ABCD3: variants seen among roughly 807,000 people sequenced by gnomAD.
The protein encoded by ABCD3 is ATP binding cassette subfamily D member 3, also known as ATP-binding cassette sub-family D member 3.
ABCD3 carries 41 observed loss-of-function variants against 105.5 expected under a neutral mutation model. The ratio of observed to expected loss-of-function variants is 0.39; its 90% CI spans 0.30 to 0.50. The LOEUF is 0.50. Ranked by LOEUF, ABCD3 falls within the 20% of genes least tolerant of loss-of-function variation. The pLI is 0.84. For missense variants in ABCD3, 622 were observed against 806.3 expected (o/e 0.77, Z 2.77); for synonymous variants, 258 against 269.0 (o/e 0.96, Z 0.40).
chr1:94,454,310 G>T (rs1031299907), intron 1 of ABCD3, among the ~76,000 whole-genome samples: 1 of 152,128 alleles, frequency 6.6e-6, no homozygotes, highest in Admixed American at 6.5e-5. Flanking sequence ...AGAATAATTC[G>T]CAGCTTTGTG....
chr1:94,455,572 A>G (rs61772854), intron 1 of ABCD3, among the ~76,000 whole-genome samples: 54,430 of 151,992 alleles, frequency 0.36, 11,402 homozygotes, highest in Middle Eastern at 0.55. Context: ...TGATCCTCCC[A>G]CCTTAACCTC....
chr1:94,462,766 A>G (rs981607317), intron 2 of ABCD3, among the ~76,000 whole-genome samples: 1 of 152,132 alleles, frequency 6.6e-6, no homozygotes, highest in Non-Finnish European at 1.5e-5. Flanking sequence ...GGATTGTGCC[A>G]CTTAAAGTTC....
intron 10 of ABCD3, among the ~76,000 whole-genome samples, chr1:94,485,549 CG>C (rs1367174940): frequency 6.6e-6 from 1 of 152,182 alleles, no homozygotes; most frequent in Non-Finnish European, 1.5e-5. Flanking sequence ...GCTCTCCACA[CG>C]GCTTGCTTAT....
chr1:94,453,263 A>G (rs1647349454), intron 1 of ABCD3, among the ~76,000 whole-genome samples: 1 of 151,510 alleles, frequency 6.6e-6, no homozygotes, highest in South Asian at 2.1e-4. Flanking sequence ...ACAACTTTAT[A>G]ATTTCAGTTT....
At chr1:94,503,185 TG>T (rs1448590974) in intron 20 of ABCD3, among the ~76,000 whole-genome samples, 1 of 152,098 alleles carries the variant, frequency 6.6e-6, no homozygotes, top group Non-Finnish European at 1.5e-5. Context: ...ACAACTTTCT[TG>T]TATTGTGGCA....
chr1:94,428,486 A>G (rs1368498735), intron 1 of ABCD3, among the ~76,000 whole-genome samples: 2 of 152,244 alleles, frequency 1.3e-5, no homozygotes, highest in Non-Finnish European at 2.9e-5. Flanking sequence ...AAAAATATTT[A>G]TACAGCTTCT....
intron 1 of ABCD3, among the ~76,000 whole-genome samples, chr1:94,422,332 G>A (rs1056973336): frequency 1.2e-4 from 19 of 152,158 alleles, no homozygotes; most frequent in African/African-American, 4.6e-4. Context: ...TGAACCTGTT[G>A]TAAACTGCAC....
At chr1:94,478,815 C>T in intron 8 of ABCD3, 1 of 439,276 alleles carries the variant, frequency 2.3e-6, no homozygotes, top group Non-Finnish European at 3.5e-6. Flanking sequence ...AATAACGATA[C>T]ATTTAGAGTG....
intron 1 of ABCD3, among the ~76,000 whole-genome samples, chr1:94,456,043 G>A (rs750929460): frequency 3.7e-4 from 56 of 151,740 alleles, no homozygotes; most frequent in Non-Finnish European, 7.4e-4. Flanking sequence ...TTCATCTTGC[G>A]TGACTGAACT....
intron 16 of ABCD3, among the ~76,000 whole-genome samples, chr1:94,494,665 T>A (rs1649709617): frequency 6.6e-6 from 1 of 152,200 alleles, no homozygotes; most frequent in Non-Finnish European, 1.5e-5. Flanking sequence ...GTTACATTTG[T>A]AACCAAATAA....
chr1:94,401,876 T>C, the ABCD3 span, among the ~76,000 whole-genome samples: 1 of 152,212 alleles, frequency 6.6e-6, no homozygotes, highest in Non-Finnish European at 1.5e-5. Context: ...AGTTTTGACA[T>C]TTGTAAATAC....
chr1:94,441,229 A>T (rs1276712396), intron 1 of ABCD3, among the ~76,000 whole-genome samples: 1 of 152,258 alleles, frequency 6.6e-6, no homozygotes, highest in Admixed American at 6.5e-5. Context: ...TATAGGGCTA[A>T]TAAGTATATA....
chr1:94,446,763 A>G (rs1363693711), intron 1 of ABCD3, among the ~76,000 whole-genome samples: 2 of 152,196 alleles, frequency 1.3e-5, no homozygotes, highest in African/African-American at 4.8e-5. Flanking sequence ...CAACCTGTTC[A>G]ATTTAACATA....
intron 1 of ABCD3, among the ~76,000 whole-genome samples, chr1:94,425,823 T>A (rs1007927361): frequency 1.1e-4 from 16 of 152,226 alleles, no homozygotes; most frequent in African/African-American, 3.9e-4. Context: ...CTACTTGATC[T>A]TTATTATGGA....
chr1:94,449,573 T>G (rs1005106367), intron 1 of ABCD3, among the ~76,000 whole-genome samples: 1 of 152,214 alleles, frequency 6.6e-6, no homozygotes, highest in Non-Finnish European at 1.5e-5. Flanking sequence ...TCTGCTCCTA[T>G]AATTGAGGCA....
At chr1:94,488,560 A>C (rs927801255) in intron 13 of ABCD3, among the ~76,000 whole-genome samples, 1 of 152,090 alleles carries the variant, frequency 6.6e-6, no homozygotes, top group Non-Finnish European at 1.5e-5. Flanking sequence ...AAAAAACACC[A>C]TAAATTTTAG....
intron 4 of ABCD3, among the ~76,000 whole-genome samples, chr1:94,471,719 A>G (rs999759888): frequency 1.3e-5 from 2 of 152,162 alleles, no homozygotes; most frequent in Non-Finnish European, 2.9e-5. Context: ...GTTAACATAT[A>G]TCTCCATCTC....
chr1:94,455,604 T>TG, intron 1 of ABCD3: 1 of 329,896 alleles, frequency 3.0e-6, no homozygotes, highest in Non-Finnish European at 6.0e-6. Flanking sequence ...GGATTATAGA[T>TG]GTAAGCCACT....
the ABCD3 span, among the ~76,000 whole-genome samples, chr1:94,410,433 T>C: frequency 3.3e-5 from 5 of 152,252 alleles, no homozygotes; most frequent in Non-Finnish European, 5.9e-5. Context: ...TTATATTTTC[T>C]GTCTAAAATT....
Sources: gnomAD v4.1 joint callset for allele counts (sites outside exome capture counted in the v4.1 genomes callset) on GRCh38, gnomAD v4.1.1 for gene constraint, MANE v1.5 for transcripts, NCBI Gene and HGNC (gene_info 2026-07-23, HGNC 2026-07-21) for gene names.